KDM4B: variants seen among roughly 807,000 people sequenced by gnomAD.
The protein encoded by KDM4B is lysine-specific demethylase 4B.
A neutral mutation model predicts 125.2 loss-of-function variants in KDM4B; 32 were observed. The observed-to-expected ratio is 0.26, with a 90% CI of 0.19 to 0.34. The LOEUF is 0.34. Ranked by LOEUF, KDM4B falls within the 10% of genes least tolerant of loss-of-function variation. The pLI is 1.00. For missense variants in KDM4B, 1,190 were observed against 1,577.7 expected (o/e 0.75, Z 4.16); for synonymous variants, 721 against 677.9 (o/e 1.06, Z -0.99).
chr19:5,039,054 G>A (rs2036721659), intron 3 of KDM4B, among the ~76,000 whole-genome samples: 1 of 152,266 alleles, frequency 6.6e-6, no homozygotes, highest in African/African-American at 2.4e-5. Flanking sequence ...GCCCCTGGTG[G>A]GCTCTTGGTA....
At position 5,021,154 on chromosome 19, in the gene KDM4B, A is replaced by AAAAG. The variant is rs1555694146; in HGVS notation, c.-26+4823_-26+4826dup. On this transcript the variant is annotated intron_variant, in intron 2 of 22. Coordinates refer to ENST00000159111, the MANE Select transcript of KDM4B (RefSeq NM_015015.3). ...GTGAAACTGTCTCAAAAAAAAAAAA[A>AAAAG]AAAGAAAGAAAACACCCCTGGCTGC... is the stretch of plus-strand genomic sequence containing the variant. 9.3e-4 allele frequency among the ~76,000 whole-genome samples: 137 copies of AAAAG among 148,088 alleles called. 1 individual carries two copies. The South Asian group carries it at 0.01, about 11-fold the overall frequency.
intron 1 of KDM4B, among the ~76,000 whole-genome samples, chr19:5,000,322 C>CA (rs1353392536): frequency 6.6e-6 from 1 of 150,692 alleles, no homozygotes; most frequent in East Asian, 2.0e-4. Flanking sequence ...TCTGTCCATC[C>CA]ATCCATCCAC....
At chr19:5,120,220 C>T (rs2039335023) in intron 11 of KDM4B, among the ~76,000 whole-genome samples, 1 of 152,190 alleles carries the variant, frequency 6.6e-6, no homozygotes, top group Non-Finnish European at 1.5e-5. Flanking sequence ...CACCTATAGT[C>T]CCAGCTACTT....
chr19:5,103,735 T>C (rs1275862478), intron 9 of KDM4B, among the ~76,000 whole-genome samples: 2 of 152,166 alleles, frequency 1.3e-5, no homozygotes, highest in East Asian at 1.9e-4. Flanking sequence ...TGGAGACTCA[T>C]GTTAGCCATG....
At position 5,010,682 on chromosome 19, in the gene KDM4B, C is replaced by T. The variant is rs180963543; in HGVS notation, c.-108-5575C>T. On this transcript the variant is annotated intron_variant, in intron 1 of 22. Transcript: ENST00000159111. Reference sequence around the variant, plus strand: ...TATATTTTTGAGACAGAGTCTCACTCTTTTGCCCAGGCTGGAATGCAGTGG... The same window carrying T: ...TATATTTTTGAGACAGAGTCTCACTTTTTTGCCCAGGCTGGAATGCAGTGG... 7.6e-3 allele frequency among the ~76,000 whole-genome samples: 1,156 copies of T among 152,308 alleles called. 13 individuals carry two copies. The highest frequency in any genetic ancestry group is 0.027 in the African/African-American group (1,111 of 41,556).
chr19:5,070,932 A>G, intron 6 of KDM4B, 78 bp from the exon 7 acceptor site: 1 of 1,499,170 alleles, frequency 6.7e-7, no homozygotes, highest in Non-Finnish European at 9.3e-7. Context: ...GCGTCTCCCC[A>G]AGGCTGGTCC....
At chr19:5,134,581 G>A (rs1485107315) in intron 14 of KDM4B, among the ~76,000 whole-genome samples, 1 of 152,206 alleles carries the variant, frequency 6.6e-6, no homozygotes, top group Admixed American at 6.5e-5. Context: ...CAGCCCAGCC[G>A]TTTTCCTCGG....
chr19:5,009,398 G>T (rs1163541615), intron 1 of KDM4B, among the ~76,000 whole-genome samples: 1 of 152,192 alleles, frequency 6.6e-6, no homozygotes, highest in Non-Finnish European at 1.5e-5. Context: ...CTTGAATTCA[G>T]CAGGTTTGGT....
At chr19:4,979,587 G>A (rs933444411) in intron 1 of KDM4B, among the ~76,000 whole-genome samples, 2 of 152,164 alleles carry the variant, frequency 1.3e-5, no homozygotes, top group African/African-American at 4.8e-5. Context: ...GAGGCAGCAG[G>A]CAGCCCCGTC....
chr19:5,042,512 AAAAG>A (rs1313423221), intron 5 of KDM4B, among the ~76,000 whole-genome samples: 20 of 152,078 alleles, frequency 1.3e-4, no homozygotes. Flanking sequence ...AAAAAAAAAA[AAAAG>A]AAGGAAACAA....
chr19:4,986,157 G>A (rs1186049206), intron 1 of KDM4B, among the ~76,000 whole-genome samples: 1 of 152,188 alleles, frequency 6.6e-6, no homozygotes, highest in African/African-American at 2.4e-5. Flanking sequence ...GCTGTGATGG[G>A]GTCCTGATGT....
In KDM4B at chr19:5,044,421, G is replaced by A. The variant is rs180844284; in HGVS notation, c.433-3055G>A. Among the ~76,000 whole-genome samples the A allele has an allele frequency of 2.2e-3, 335 of 151,654 alleles. 1 individual carries two copies. The highest frequency in any genetic ancestry group is 7.3e-3 in the South Asian group (35 of 4,774). ...TGGGGTGTCCACCTTATCCCACGCGGTGTTTATCGGAGTGGGGGTGTCCAC... is the reference window on the plus strand; with the variant it reads ...TGGGGTGTCCACCTTATCCCACGCGATGTTTATCGGAGTGGGGGTGTCCAC... On this transcript the variant is annotated intron_variant, in intron 5 of 22. Coordinates refer to ENST00000159111, the MANE Select transcript of KDM4B (RefSeq NM_015015.3).
At chr19:4,989,638 GTCT>G (rs527457487) in intron 1 of KDM4B, among the ~76,000 whole-genome samples, 297 of 150,708 alleles carry the variant, frequency 2.0e-3, no homozygotes, top group Non-Finnish European at 3.2e-3. Context: ...ACCATGCCCA[GTCT>G]TCTTCTTCTT....
intron 1 of KDM4B, among the ~76,000 whole-genome samples, chr19:4,973,142 A>T (rs1474242009): frequency 6.6e-6 from 1 of 152,240 alleles, no homozygotes; most frequent in Non-Finnish European, 1.5e-5. Context: ...CTTCCTGAAC[A>T]GTAATGTCCC....
At chr19:5,048,263 C>T (rs1031962457) in intron 6 of KDM4B, among the ~76,000 whole-genome samples, 1 of 152,348 alleles carries the variant, frequency 6.6e-6, no homozygotes, top group Non-Finnish European at 1.5e-5. Context: ...GCTCCCTGTG[C>T]ACGTCGCAGC....
intron 9 of KDM4B, among the ~76,000 whole-genome samples, chr19:5,088,349 C>T (rs770028423): frequency 1.2e-4 from 18 of 152,312 alleles, no homozygotes; most frequent in South Asian, 4.1e-4. Flanking sequence ...TGTAAAAATG[C>T]GGCCCGGGCT....
Position 5,078,374 on chromosome 19 carries a change from A to G in KDM4B, c.780+904A>G, listed in dbSNP as rs1348865257. 3.9e-5 allele frequency: 6 copies of G among 152,086 alleles called. No homozygotes were observed. The highest frequency in any genetic ancestry group is 3.9e-4 in the East Asian group (2 of 5,150). The allele number at this position is 152,086 out of a possible 1,614,324, so 9.4% of individuals were successfully genotyped here. ...GCCGGAAATTGCTTGTGACATTTCAATCAAACCGCCAAAGCATCAGCTCAC... is the reference window on the plus strand; with the variant it reads ...GCCGGAAATTGCTTGTGACATTTCAGTCAAACCGCCAAAGCATCAGCTCAC... On this transcript the variant is annotated intron_variant, in intron 8 of 22. Coordinates refer to ENST00000159111, the MANE Select transcript of KDM4B (RefSeq NM_015015.3). The surrounding 1 kb of genome is among the most constrained non-coding windows in gnomAD (Gnocchi z 4.5).
intron 2 of KDM4B, among the ~76,000 whole-genome samples, chr19:5,018,038 C>T (rs144165619): frequency 3.4e-4 from 50 of 146,582 alleles, no homozygotes; most frequent in African/African-American, 1.2e-3. Flanking sequence ...TGTGCCCAGC[C>T]AGTTAGCTTT....
At position 4,997,005 on chromosome 19, in the gene KDM4B, C is replaced by T. The variant is rs1431128400; in HGVS notation, c.-108-19252C>T. On this transcript the variant is annotated intron_variant, in intron 1 of 22. Transcript: ENST00000159111. The surrounding 1 kb of genome is among the most constrained non-coding windows in gnomAD (Gnocchi z 4.2). ...CTCCCAGTGTTCCCTGTGGGCACAG[C>T]TGCATGGTTGGGCAGTGTGGGTCTG... is the stretch of plus-strand genomic sequence containing the variant. Among the ~76,000 whole-genome samples, 1 of 152,046 alleles carries T rather than the reference C, an allele frequency of 6.6e-6. No homozygotes were observed. Among genetic ancestry groups the T allele is most frequent in the African/African-American group, 2.4e-5 (1 of 41,378 alleles).
Sources: gnomAD v4.1 joint callset for allele counts (sites outside exome capture counted in the v4.1 genomes callset) on GRCh38, gnomAD v4.1.1 for gene constraint, Gnocchi (gnomAD v3.1) non-coding constraint, MANE v1.5 for transcripts, NCBI Gene and HGNC (gene_info 2026-07-23, HGNC 2026-07-21) for gene names.